PCDH15: variants seen among roughly 807,000 people sequenced by gnomAD.
PCDH15 encodes protocadherin-15.
Under a neutral mutation model 178.5 loss-of-function variants are expected in PCDH15, and 129 were observed. The observed-to-expected ratio is 0.72, with a 90% CI of 0.63 to 0.84. The LOEUF (loss-of-function observed/expected upper bound fraction) is 0.84. Among genes scored for constraint, PCDH15 ranks in the 40% least tolerant of loss-of-function variants. The pLI is 0.00. For synonymous variants in PCDH15, 800 were observed against 732.0 expected, an observed-to-expected ratio of 1.09 and a Z score of -1.50; for missense variants, 2,230 against 2,099.9, an observed-to-expected ratio of 1.06 and a Z score of -1.21.
At chr10:54,224,889 T>C (rs1285412466) in intron 9 of PCDH15, among the ~76,000 whole-genome samples, 2 of 152,128 alleles carry the variant, frequency 1.3e-5, no homozygotes, top group Admixed American at 1.3e-4. Flanking sequence ...TCTAAATCTG[T>C]CTCCTTTGCA....
At chr10:54,258,853 G>A (rs931905071) in intron 8 of PCDH15, among the ~76,000 whole-genome samples, 4 of 152,032 alleles carry the variant, frequency 2.6e-5, no homozygotes, top group Non-Finnish European at 5.9e-5. Flanking sequence ...AACTCACAAG[G>A]CAGAAGTCTG....
chr10:54,789,973 C>T (rs1180249073), intron 1 of PCDH15, among the ~76,000 whole-genome samples: 1 of 151,756 alleles, frequency 6.6e-6, no homozygotes, highest in South Asian at 2.1e-4. Flanking sequence ...GGAGAAAATA[C>T]GACAAACTTA....
intron 26 of PCDH15, among the ~76,000 whole-genome samples, chr10:53,878,489 TATATA>T (rs1233906041): frequency 6.5e-5 from 8 of 122,814 alleles, no homozygotes; most frequent in Non-Finnish European, 1.0e-4. Flanking sequence ...TATATATAAA[TATATA>T]ATATATTATA....
chr10:55,600,820 T>C (rs1222831383), intron 2 of PCDH15, among the ~76,000 whole-genome samples: 1 of 152,120 alleles, frequency 6.6e-6, no homozygotes, highest in Non-Finnish European at 1.5e-5. Flanking sequence ...AAATTTCAGG[T>C]TCTTATGCTT....
In PCDH15 at chr10:54,467,059, A is replaced by G. The variant is rs544533564; in HGVS notation, c.157+60753T>C. ...TCAAATCTAAGAAATTTTAGGTAAAATGTTTAGATTTTCCTAGATAGAAGA... is the reference window on the plus strand; with the variant it reads ...TCAAATCTAAGAAATTTTAGGTAAAGTGTTTAGATTTTCCTAGATAGAAGA... On this transcript the variant is annotated intron_variant, in intron 3 of 37. Transcript: ENST00000644397. Among the ~76,000 whole-genome samples the G allele has an allele frequency of 4.6e-5, 7 of 152,020 alleles. No homozygotes were observed. The South Asian group carries it at 1.5e-3, about 32-fold the overall frequency.
At chr10:54,932,156 T>C (rs1163544360) in intron 2 of PCDH15, among the ~76,000 whole-genome samples, 3 of 152,206 alleles carry the variant, frequency 2.0e-5, no homozygotes, top group Admixed American at 1.3e-4. Context: ...AACTGTAAAA[T>C]AGGCTCACGC....
intron 3 of PCDH15, among the ~76,000 whole-genome samples, chr10:54,428,303 C>T (rs1300973000): frequency 6.6e-6 from 1 of 152,202 alleles, no homozygotes; most frequent in African/African-American, 2.4e-5. Context: ...TTTGGGACAA[C>T]TCTGAAAGAT....
intron 29 of PCDH15, among the ~76,000 whole-genome samples, chr10:53,833,844 A>C (rs2077151456): frequency 1.3e-5 from 2 of 151,960 alleles, no homozygotes; most frequent in Admixed American, 6.6e-5. Flanking sequence ...ATATTGCATA[A>C]ATTTTCAATG....
At chr10:55,520,765 T>A (rs1367303026) in intron 2 of PCDH15, among the ~76,000 whole-genome samples, 5 of 151,872 alleles carry the variant, frequency 3.3e-5, no homozygotes, top group Non-Finnish European at 1.5e-5. Flanking sequence ...ATAAGAGATA[T>A]ATCTCTCTGA....
intron 13 of PCDH15, among the ~76,000 whole-genome samples, chr10:54,153,757 C>A (rs2044807537): frequency 6.6e-6 from 1 of 152,118 alleles, no homozygotes; most frequent in Admixed American, 6.6e-5. Flanking sequence ...ATTTTTCCTT[C>A]CATAATGTTC....
chr10:53,974,482 T>A (rs1373560054), intron 21 of PCDH15, among the ~76,000 whole-genome samples: 1 of 152,118 alleles, frequency 6.6e-6, no homozygotes, highest in Admixed American at 6.5e-5. Context: ...TATTAGAAAT[T>A]AAAAATTTTA....
At chr10:53,833,148 T>C (rs1270617316) in intron 29 of PCDH15, among the ~76,000 whole-genome samples, 4 of 152,020 alleles carry the variant, frequency 2.6e-5, no homozygotes, top group African/African-American at 9.7e-5. Context: ...ACAGGAACTA[T>C]ATTATTAGAA....
At chr10:53,960,136 G>A (rs1439896347) in intron 22 of PCDH15, among the ~76,000 whole-genome samples, 2 of 152,084 alleles carry the variant, frequency 1.3e-5, no homozygotes, top group Non-Finnish European at 2.9e-5. Context: ...TAAAACAAGT[G>A]TATTATACTA....
chr10:53,972,627 A>T (rs1184767774), intron 21 of PCDH15, among the ~76,000 whole-genome samples: 2 of 152,216 alleles, frequency 1.3e-5, no homozygotes, highest in Non-Finnish European at 2.9e-5. Flanking sequence ...AAAGTGGGCA[A>T]AGCATATGAA....
chr10:55,369,678 T>G (rs1026901028), intron 2 of PCDH15, among the ~76,000 whole-genome samples: 5 of 152,062 alleles, frequency 3.3e-5, no homozygotes, highest in Non-Finnish European at 1.5e-5. Context: ...AATTTAAAGT[T>G]AGCAGCCACC....
chr10:54,354,472 T>C (rs1204042795), intron 5 of PCDH15, among the ~76,000 whole-genome samples: 1 of 152,198 alleles, frequency 6.6e-6, no homozygotes, highest in Non-Finnish European at 1.5e-5. Flanking sequence ...AATGTGCCCA[T>C]CCTATGGAAG....
chr10:55,089,956 G>A (rs1198964564), intron 2 of PCDH15, among the ~76,000 whole-genome samples: 1 of 151,984 alleles, frequency 6.6e-6, no homozygotes, highest in East Asian at 1.9e-4. Context: ...ACCAGTGTGT[G>A]GGGGGAGGTA....
intron 3 of PCDH15, among the ~76,000 whole-genome samples, chr10:54,826,916 G>A (rs905096089): frequency 6.6e-6 from 1 of 152,070 alleles, no homozygotes; most frequent in Non-Finnish European, 1.5e-5. Context: ...TGCAGACTTA[G>A]AATTTGGGAC....
chr10:55,376,668 T>C (rs1190897783), intron 2 of PCDH15, among the ~76,000 whole-genome samples: 1 of 152,108 alleles, frequency 6.6e-6, no homozygotes. Context: ...TAAAATTTTG[T>C]ATAGCTTCAA....
Sources: allele counts gnomAD v4.1 joint callset (sites outside exome capture counted in the v4.1 genomes callset), GRCh38; gene constraint gnomAD v4.1.1; transcripts MANE v1.5; gene names NCBI Gene and HGNC (gene_info 2026-07-23, HGNC 2026-07-21).